LRP6: variants seen among roughly 807,000 people sequenced by gnomAD.
LRP6 encodes LDL receptor related protein 6.
LRP6 carries 43 observed loss-of-function variants against 184.1 expected under a neutral mutation model. The ratio of observed to expected loss-of-function variants is 0.23; its 90% CI spans 0.18 to 0.30. LRP6 has a LOEUF of 0.30. Ranked by LOEUF, LRP6 falls within the 10% of genes least tolerant of loss-of-function variation. The probability of loss-of-function intolerance (pLI) is 1.00; values close to 1 mark genes in which losing one functional copy is unlikely to be tolerated. For synonymous variants in LRP6, 719 were observed against 684.9 expected (o/e 1.05, Z -0.78); for missense variants, 1,571 against 2,005.3 (o/e 0.78, Z 4.14).
chr12:12,193,841 G>T (rs537522920), intron 3 of LRP6, among the ~76,000 whole-genome samples: 9 of 151,992 alleles, frequency 5.9e-5, no homozygotes, highest in African/African-American at 2.2e-4. Flanking sequence ...AATATCTTCC[G>T]ACTCTATGAG....
Position 12,119,986 on chromosome 12 carries a change from ACAAAATATATATATATATATATAT to A in LRP6, c.*1116_*1139del, listed in dbSNP as rs1215335749. On this transcript the variant is annotated 3_prime_UTR_variant, in exon 23 of 23. Coordinates refer to ENST00000261349, the MANE Select transcript of LRP6 (RefSeq NM_002336.3). ...TTTTACTCAGAAAACAAACAAACAA[ACAAAATATATATATATATATATAT>A]ATATATATATATATATATATATATA... is the stretch of plus-strand genomic sequence containing the variant. 4.6e-5 allele frequency: 5 copies of A among 109,572 alleles called. No individual in the cohort carries two copies. The highest frequency in any genetic ancestry group is 1.7e-4 in the African/African-American group (5 of 29,824). 6.8% of individuals were successfully genotyped at this position (109,572 alleles called of 1,614,324 possible).
At chr12:12,217,031 A>C (rs189107175) in intron 2 of LRP6, among the ~76,000 whole-genome samples, 1 of 152,290 alleles carries the variant, frequency 6.6e-6, no homozygotes, top group Non-Finnish European at 1.5e-5. Context: ...GTATCATGTA[A>C]ACACAAATCC....
chr12:12,238,224 GAA>G (rs56083767), intron 2 of LRP6, among the ~76,000 whole-genome samples: 1 of 125,946 alleles, frequency 7.9e-6, no homozygotes, highest in Non-Finnish European at 1.7e-5. Context: ...AGGTACAAAA[GAA>G]AAAAAAAAAC....
In LRP6 at chr12:12,120,865, T is replaced by G. The variant is rs1949595093; in HGVS notation, c.*261A>C. 2 of 318,234 alleles carry G rather than the reference T, an allele frequency of 6.3e-6. No individual in the cohort carries two copies. The highest frequency in any genetic ancestry group is 2.1e-5 in the African/African-American group (1 of 47,024). 19.7% of individuals were successfully genotyped at this position (318,234 alleles called of 1,614,324 possible). ...TAAGGCATGCTTTGTGTATTTAGTT[T>G]GCAAAAATAAAACTTTTAGTACAAA... is the stretch of plus-strand genomic sequence containing the variant. On this transcript the variant is annotated 3_prime_UTR_variant, in exon 23 of 23. Transcript: ENST00000261349.
rs78718088 is a variant in LRP6 at position 12,135,250 on chromosome 12, C to A, written c.3658G>T (p.Val1220Leu). The A allele has an allele frequency of 1.9e-6, 3 of 1,611,890 alleles. No homozygotes were observed. Among genetic ancestry groups the A allele is most frequent in the East Asian group, 4.5e-5 (2 of 44,738 alleles). Residue 1220 changes from valine to leucine, a missense_variant, in exon 17 of 23, where the codon GTA becomes TTA. By Grantham distance (32) the Val-to-Leu change is conservative (BLOSUM62 1). Around this residue, in one of 4 missense-constraint regions of LRP6, gnomAD observed 763 missense variants for 859.5 expected, o/e 0.89. Transcript: ENST00000261349. ...DNGGCSHICLVKGDGTTRCSC... is the reference protein window; with the variant it reads ...DNGGCSHICLLKGDGTTRCSC... ...CACCTTGTAGTACCATCCCCCTTTA[C>A]AAGACAAATATGTGAACAGCCACCA...
chr12:12,214,536 A>T (rs1864289785), intron 2 of LRP6, among the ~76,000 whole-genome samples: 1 of 152,240 alleles, frequency 6.6e-6, no homozygotes, highest in Non-Finnish European at 1.5e-5. Flanking sequence ...ACATAAGCTT[A>T]ATTCTTAAAA....
chr12:12,156,902 A>T (rs1862594907), intron 12 of LRP6, among the ~76,000 whole-genome samples: 1 of 152,180 alleles, frequency 6.6e-6, no homozygotes, highest in Non-Finnish European at 1.5e-5. Context: ...GATGGGGGTT[A>T]TGGCCCACAA....
chr12:12,121,524 T>C lies in LRP6; in HGVS notation c.4548-104A>G. Reference sequence around the variant, plus strand: ...GATGTCAACTACCCTATGAAAACAATAAGCTACTGCAATTTAAATTTACAC... The same window carrying C: ...GATGTCAACTACCCTATGAAAACAACAAGCTACTGCAATTTAAATTTACAC... On this transcript the variant is annotated intron_variant, in intron 22 of 22. Coordinates refer to ENST00000261349, the MANE Select transcript of LRP6 (RefSeq NM_002336.3). The C allele has an allele frequency of 2.8e-6, 3 of 1,065,992 alleles. No homozygotes were observed. The South Asian group carries it at 3.9e-5, about 14-fold the overall frequency. The allele number at this position is 1,065,992 out of a possible 1,614,324, so 66.0% of individuals were successfully genotyped here.
chr12:12,202,401 G>A (rs1175414212), intron 3 of LRP6, among the ~76,000 whole-genome samples: 5 of 152,274 alleles, frequency 3.3e-5, no homozygotes, highest in East Asian at 1.9e-4. Context: ...AAATTAGCCC[G>A]GTGTGATGGC....
At chr12:12,260,710 C>T (rs576565778) in intron 1 of LRP6, among the ~76,000 whole-genome samples, 1 of 152,166 alleles carries the variant, frequency 6.6e-6, no homozygotes, top group South Asian at 2.1e-4. Context: ...AGAAGTCTTG[C>T]AAGTTATATC....
At chr12:12,153,490 T>G (rs1950109127) in intron 12 of LRP6, among the ~76,000 whole-genome samples, 1 of 152,172 alleles carries the variant, frequency 6.6e-6, no homozygotes, top group Admixed American at 6.5e-5. Flanking sequence ...TTGTGGATCT[T>G]GTTGTTCTAG....
intron 2 of LRP6, among the ~76,000 whole-genome samples, chr12:12,221,048 C>A (rs1037605658): frequency 1.3e-5 from 2 of 152,240 alleles, no homozygotes; most frequent in Non-Finnish European, 2.9e-5. Flanking sequence ...GTTCTTCCCA[C>A]AATCTACTAT....
intron 2 of LRP6, among the ~76,000 whole-genome samples, chr12:12,209,195 G>A (rs1446283350): frequency 2.0e-5 from 3 of 152,154 alleles, no homozygotes; most frequent in South Asian, 2.1e-4. Context: ...AATGCAATAA[G>A]GGCTATTGTC....
rs149633733 is a variant in LRP6, at chr12:12,186,992, G to A, written c.775C>T (p.Arg259Cys). The change falls in exon 4 of 23, where the codon CGT becomes TGT. Residue 259 changes from arginine to cysteine, a missense_variant. This residue lies in a region of LRP6 where 640 missense variants were observed against 851.9 expected (regional missense o/e 0.75). Coordinates refer to ENST00000261349, the MANE Select transcript of LRP6 (RefSeq NM_002336.3). ...GAGAAGATGTCAGAATGGATTTCAC[G>A]CAGACCCTCACCAGTATACTTGTTG... ...ACNKYTGEGL[R>C]EIHSDIFSPM... 11 of 1,613,974 alleles carry A rather than the reference G, an allele frequency of 6.8e-6. No homozygotes were observed. Among genetic ancestry groups the A allele is most frequent in the Admixed American group, 5.0e-5 (3 of 59,988 alleles).
At position 12,249,398 on chromosome 12, in the gene LRP6, C is replaced by T. The variant is rs1865267062; in HGVS notation, c.56-4743G>A. On this transcript the variant is annotated intron_variant, in intron 1 of 22. Coordinates refer to ENST00000261349, the MANE Select transcript of LRP6 (RefSeq NM_002336.3). ...GTCTAAAGAAAATATGAAACTCCCT[C>T]AGCCACCTCAAGGACAGTGTTACAG... 7 of 877,266 alleles carry T rather than the reference C, an allele frequency of 8.0e-6. No homozygotes were observed. The South Asian group carries it at 9.2e-5, about 11-fold the overall frequency. The allele number at this position is 877,266 out of a possible 1,614,324, so 54.3% of individuals were successfully genotyped here.
intron 2 of LRP6, among the ~76,000 whole-genome samples, chr12:12,233,633 G>A (rs531912926): frequency 2.6e-5 from 4 of 152,270 alleles, no homozygotes; most frequent in Admixed American, 1.3e-4. Context: ...TAAACCAAAT[G>A]TTTGGACTCT....
intron 1 of LRP6, among the ~76,000 whole-genome samples, chr12:12,261,120 C>A (rs535407695): frequency 6.6e-6 from 1 of 152,178 alleles, no homozygotes; most frequent in East Asian, 1.9e-4. Context: ...AGAAAAAAAT[C>A]TCTTAAAAAT....
At chr12:12,199,464 T>C (rs1863856641) in intron 3 of LRP6, among the ~76,000 whole-genome samples, 1 of 152,170 alleles carries the variant, frequency 6.6e-6, no homozygotes, top group Non-Finnish European at 1.5e-5. Flanking sequence ...TGTTGTACAA[T>C]AACATCTTCA....
intron 16 of LRP6, among the ~76,000 whole-genome samples, chr12:12,136,609 T>C (rs1193504052): frequency 6.6e-6 from 1 of 152,238 alleles, no homozygotes; most frequent in African/African-American, 2.4e-5. Flanking sequence ...CGTCACAAAA[T>C]ATGAACATCT....
Sources: gnomAD v4.1 joint callset for allele counts (sites outside exome capture counted in the v4.1 genomes callset) on GRCh38, gnomAD v4.1.1 for gene constraint, gnomAD v4.1.1 regional missense constraint, MANE v1.5 for transcripts, NCBI Gene and HGNC (gene_info 2026-07-23, HGNC 2026-07-21) for gene names.